RNGTT: variants seen among roughly 807,000 people sequenced by gnomAD.
The protein encoded by RNGTT is RNA guanylyltransferase and 5'-phosphatase, also known as mRNA-capping enzyme.
Under a neutral mutation model 79.3 loss-of-function variants are expected in RNGTT, and 33 were observed. That is an observed-to-expected ratio of 0.42 (90% confidence interval 0.32 to 0.56). The LOEUF (loss-of-function observed/expected upper bound fraction) is 0.56. Among genes scored for constraint, RNGTT ranks in the 20% least tolerant of loss-of-function variants. The probability of loss-of-function intolerance (pLI) is 0.17; values close to 1 mark genes in which losing one functional copy is unlikely to be tolerated. For synonymous variants in RNGTT, 222 were observed against 235.9 expected, an observed-to-expected ratio of 0.94 and a Z score of 0.54; for missense variants, 497 against 739.1, an observed-to-expected ratio of 0.67 and a Z score of 3.80.
At chr6:88,847,692 A>T (rs1023198557) in intron 10 of RNGTT, among the ~76,000 whole-genome samples, 2 of 152,090 alleles carry the variant, frequency 1.3e-5, no homozygotes, top group Non-Finnish European at 2.9e-5. Context: ...AATCATTTTT[A>T]GAATAAAATA....
chr6:88,914,366 A>G (rs1192865881), intron 4 of RNGTT, among the ~76,000 whole-genome samples: 4 of 152,144 alleles, frequency 2.6e-5, no homozygotes, highest in Non-Finnish European at 4.4e-5. Flanking sequence ...AAGGCATCAT[A>G]TTACAACCAA....
chr6:88,898,005 C>G (rs13195236), intron 6 of RNGTT, among the ~76,000 whole-genome samples: 18,166 of 152,030 alleles, frequency 0.12, 1,187 homozygotes, highest in Middle Eastern at 0.21. Context: ...TAACTCCCCC[C>G]AGACTCTACT....
chr6:88,625,846 T>C (rs933743939), intron 14 of RNGTT, among the ~76,000 whole-genome samples: 4 of 152,016 alleles, frequency 2.6e-5, no homozygotes, highest in African/African-American at 9.7e-5. Context: ...AAGCACTAAA[T>C]GACATAGCCC....
chr6:88,872,381 A>G (rs1782385342), intron 8 of RNGTT, among the ~76,000 whole-genome samples: 1 of 152,112 alleles, frequency 6.6e-6, no homozygotes, highest in Non-Finnish European at 1.5e-5. Flanking sequence ...CTTGACTGCA[A>G]TCTGATAGAC....
chr6:88,878,857 A>T (rs1478652694), intron 8 of RNGTT, among the ~76,000 whole-genome samples: 1 of 152,170 alleles, frequency 6.6e-6, no homozygotes, highest in Non-Finnish European at 1.5e-5. Context: ...CCTAAATAAG[A>T]TATACTTTTT....
At position 88,803,115 on chromosome 6, in the gene RNGTT, A is replaced by T. The variant is rs139425673; in HGVS notation, c.1270-1483T>A. Among the ~76,000 whole-genome samples, 1,088 of 152,318 alleles carry T rather than the reference A, an allele frequency of 7.1e-3. 4 individuals are homozygous for T. Among genetic ancestry groups the T allele is most frequent in the Non-Finnish European group, 0.011 (741 of 68,032 alleles). ...GTGACTTCATCTTCTCTGCCATTTC[A>T]TCCTTCAAAATCTATAATTTCTCTA... On this transcript the variant is annotated intron_variant, in intron 11 of 15. Transcript: ENST00000369485.
At chr6:88,771,315 G>GTATATATATATATATA (rs539282627) in intron 12 of RNGTT, among the ~76,000 whole-genome samples, 6 of 62,068 alleles carry the variant, frequency 9.7e-5, no homozygotes, top group Admixed American at 1.8e-4. Context: ...GTGTGTGTGT[G>GTATATATATATATATA]TATATATATA....
chr6:88,800,895 T>C (rs2127862489), intron 12 of RNGTT, among the ~76,000 whole-genome samples: 1 of 152,334 alleles, frequency 6.6e-6, no homozygotes, highest in South Asian at 2.1e-4. Flanking sequence ...ACTCCTGGCA[T>C]CTAGTGAGTA....
At chr6:88,786,094 A>G (rs1373424486) in intron 12 of RNGTT, among the ~76,000 whole-genome samples, 3 of 152,144 alleles carry the variant, frequency 2.0e-5, no homozygotes. Context: ...TCTAAATATA[A>G]AACAAAAATA....
At chr6:88,900,966 AC>A (rs1234092533) in intron 6 of RNGTT, among the ~76,000 whole-genome samples, 1 of 151,884 alleles carries the variant, frequency 6.6e-6, no homozygotes, top group Non-Finnish European at 1.5e-5. Flanking sequence ...ACATGGTGAA[AC>A]CCTGTCTCTA....
intron 11 of RNGTT, among the ~76,000 whole-genome samples, chr6:88,802,590 C>T (rs141002727): frequency 3.9e-5 from 6 of 152,188 alleles, no homozygotes; most frequent in Admixed American, 1.3e-4. Flanking sequence ...AAGACATACC[C>T]GAGACTGGGT....
intron 14 of RNGTT, among the ~76,000 whole-genome samples, chr6:88,666,590 T>C (rs1774418143): frequency 6.6e-6 from 1 of 152,232 alleles, no homozygotes; most frequent in Non-Finnish European, 1.5e-5. Flanking sequence ...CCGCCACTGC[T>C]TCTGGTATCA....
At chr6:88,777,033 G>C (rs1778912024) in intron 12 of RNGTT, among the ~76,000 whole-genome samples, 1 of 152,116 alleles carries the variant, frequency 6.6e-6, no homozygotes, top group Admixed American at 6.6e-5. Context: ...TTTGTGTATG[G>C]TATAAGGGTC....
At chr6:88,698,200 G>GAAATATATATATCAT (rs1554206717) in intron 13 of RNGTT, among the ~76,000 whole-genome samples, 1 of 81,324 alleles carries the variant, frequency 1.2e-5, no homozygotes, top group South Asian at 3.2e-4. Context: ...AAATATATAT[G>GAAATATATATATCAT]ATATATATGA....
At chr6:88,890,677 C>G in intron 7 of RNGTT, 81 bp from the exon 8 acceptor site, 2 of 835,376 alleles carry the variant, frequency 2.4e-6, no homozygotes, top group South Asian at 1.8e-5. Context: ...TCAAATGAAT[C>G]ACACATTTAT....
chr6:88,884,276 AT>A (rs1474984694), intron 8 of RNGTT, among the ~76,000 whole-genome samples: 1 of 152,206 alleles, frequency 6.6e-6, no homozygotes, highest in Non-Finnish European at 1.5e-5. Flanking sequence ...GAGTCGTTGA[AT>A]AAACTACTCA....
chr6:88,932,328 G>A (rs899437081), intron 2 of RNGTT, among the ~76,000 whole-genome samples: 1 of 152,154 alleles, frequency 6.6e-6, no homozygotes, highest in East Asian at 1.9e-4. Context: ...GTGACAACGT[G>A]TGCACAGTGG....
At chr6:88,775,705 A>G (rs1778853563) in intron 12 of RNGTT, among the ~76,000 whole-genome samples, 1 of 152,158 alleles carries the variant, frequency 6.6e-6, no homozygotes, top group Admixed American at 6.5e-5. Context: ...GAGCTTATTA[A>G]CCAAGTAGCT....
At chr6:88,685,367 T>A (rs982975786) in intron 13 of RNGTT, among the ~76,000 whole-genome samples, 3 of 152,150 alleles carry the variant, frequency 2.0e-5, no homozygotes, top group African/African-American at 7.2e-5. Flanking sequence ...TAAGGGAAAC[T>A]GTATGCCGAA....
Sources: allele counts gnomAD v4.1 joint callset (sites outside exome capture counted in the v4.1 genomes callset), GRCh38; gene constraint gnomAD v4.1.1; transcripts MANE v1.5; gene names NCBI Gene and HGNC (gene_info 2026-07-23, HGNC 2026-07-21).